The following BBS9 variants were observed in gnomAD, a reference collection of about 807,000 sequenced individuals.
BBS9 encodes the protein protein PTHB1.
A neutral mutation model predicts 117.7 loss-of-function variants in BBS9; 89 were observed. The observed-to-expected ratio is 0.76, with a 90% CI of 0.64 to 0.90. The LOEUF is 0.90. BBS9 is among the 40% of genes least tolerant of loss of function. The pLI, the probability that BBS9 is intolerant of heterozygous loss-of-function variation, is 0.00. For missense variants in BBS9, 982 were observed against 1,042.2 expected (o/e 0.94, Z 0.80); for synonymous variants, 379 against 370.9 (o/e 1.02, Z -0.25).
chr7:33,467,567 A>C (rs199879672), intron 19 of BBS9, among the ~76,000 whole-genome samples: 27,157 of 58,522 alleles, frequency 0.46, 4,560 homozygotes, highest in African/African-American at 0.59. Flanking sequence ...GAACCCCCCA[A>C]CTCCGCCACC....
chr7:33,531,777 A>AC (rs1339625991), intron 20 of BBS9, among the ~76,000 whole-genome samples: 2 of 152,226 alleles, frequency 1.3e-5, no homozygotes, highest in African/African-American at 4.8e-5. Flanking sequence ...TGTTGGTTAC[A>AC]CATGTCCCTG....
At chr7:33,270,761 G>GAAAGC (rs1799658197) in intron 7 of BBS9, among the ~76,000 whole-genome samples, 1 of 152,158 alleles carries the variant, frequency 6.6e-6, no homozygotes, top group South Asian at 2.1e-4. Flanking sequence ...GAGATGGGGA[G>GAAAGC]AAAGCAAGCA....
At chr7:33,412,517 T>G (rs1015141259) in intron 19 of BBS9, among the ~76,000 whole-genome samples, 4 of 152,236 alleles carry the variant, frequency 2.6e-5, no homozygotes, top group Non-Finnish European at 4.4e-5. Context: ...ACAACTTGCA[T>G]GCCTATGCTT....
intron 21 of BBS9, among the ~76,000 whole-genome samples, chr7:33,541,949 G>GT (rs1852375746): frequency 8.4e-6 from 1 of 118,434 alleles, no homozygotes; most frequent in African/African-American, 3.2e-5. Context: ...CAATAAACTT[G>GT]TTTAAAAACA....
chr7:33,142,496 T>C (rs991616019), intron 1 of BBS9, among the ~76,000 whole-genome samples: 1 of 152,256 alleles, frequency 6.6e-6, no homozygotes, highest in African/African-American at 2.4e-5. Flanking sequence ...TTTTTAACTA[T>C]ATAGTTCAGT....
chr7:33,230,875 A>G (rs917652343), intron 5 of BBS9, among the ~76,000 whole-genome samples: 2 of 152,196 alleles, frequency 1.3e-5, no homozygotes, highest in African/African-American at 4.8e-5. Flanking sequence ...GTGCTGCAAT[A>G]AACATATGCA....
At chr7:33,621,278 A>G (rs570971844) in intron 21 of BBS9, among the ~76,000 whole-genome samples, 1 of 152,328 alleles carries the variant, frequency 6.6e-6, no homozygotes, top group South Asian at 2.1e-4. Flanking sequence ...GGAATGGGGA[A>G]AATATTTGTG....
intron 17 of BBS9, among the ~76,000 whole-genome samples, chr7:33,379,594 G>A (rs773948121): frequency 2.6e-5 from 4 of 152,062 alleles, no homozygotes; most frequent in Admixed American, 6.6e-5. Flanking sequence ...ACAGTAAATC[G>A]TATGCTAAAG....
At chr7:33,237,673 C>A (rs1199313753) in intron 5 of BBS9, among the ~76,000 whole-genome samples, 1 of 152,136 alleles carries the variant, frequency 6.6e-6, no homozygotes, top group African/African-American at 2.4e-5. Context: ...TCATCTAGTA[C>A]CTTCTTCAAC....
chr7:33,180,426 T>C (rs1797934531), intron 5 of BBS9, among the ~76,000 whole-genome samples: 1 of 150,392 alleles, frequency 6.6e-6, no homozygotes, highest in Non-Finnish European at 1.5e-5. Context: ...AGCGGTGTGA[T>C]CTCGGCTCAC....
At chr7:33,357,651 TTTA>T (rs1414794439) in intron 15 of BBS9, 2 of 654,018 alleles carry the variant, frequency 3.1e-6, no homozygotes, top group Non-Finnish European at 5.5e-6. Flanking sequence ...CTTTTAAAAT[TTTA>T]TTTTTGCCTT....
intron 5 of BBS9, among the ~76,000 whole-genome samples, chr7:33,238,870 G>A (rs762532517): frequency 2.0e-5 from 3 of 152,060 alleles, no homozygotes; most frequent in African/African-American, 4.8e-5. Flanking sequence ...CTAAATGGTC[G>A]TAAAGAATTC....
intron 20 of BBS9, among the ~76,000 whole-genome samples, chr7:33,532,045 C>G (rs559862132): frequency 1.3e-5 from 2 of 152,324 alleles, no homozygotes; most frequent in African/African-American, 4.8e-5. Flanking sequence ...TCAGGGAATA[C>G]CAGACATGCA....
chr7:33,344,168 G>A (rs968473714), intron 11 of BBS9, among the ~76,000 whole-genome samples: 16 of 131,190 alleles, frequency 1.2e-4, no homozygotes, highest in African/African-American at 3.8e-4. Flanking sequence ...TGCAAGCTCC[G>A]CCTCCCGGGT....
At position 33,627,614 on chromosome 7, in the gene BBS9, A is replaced by T. The variant is rs115637487; in HGVS notation, c.2522-7563A>T. Among the ~76,000 whole-genome samples the T allele has an allele frequency of 8.1e-3, 1,230 of 152,356 alleles. 21 individuals are homozygous for T. Among genetic ancestry groups the T allele is most frequent in the African/African-American group, 0.028 (1,171 of 41,580 alleles). On this transcript the variant is annotated intron_variant, in intron 21 of 21. Coordinates refer to the BBS9 transcript ENST00000671952. ...AGGGGGCTGTACCCTGAAGAGCCAC[A>T]TAGGCAGAGATGGCCAAAGTCTTAG...
intron 21 of BBS9, among the ~76,000 whole-genome samples, chr7:33,589,854 G>A (rs577609524): frequency 2.6e-5 from 4 of 152,170 alleles, no homozygotes; most frequent in Non-Finnish European, 5.9e-5. Flanking sequence ...TTACTTTAAA[G>A]CCAGAAGACT....
chr7:33,520,261 C>T (rs1563294116), intron 20 of BBS9, among the ~76,000 whole-genome samples: 1 of 152,098 alleles, frequency 6.6e-6, no homozygotes, highest in Non-Finnish European at 1.5e-5. Flanking sequence ...ATCTACCTGC[C>T]TCGGCCTCCC....
At chr7:33,259,003 T>C (rs2128315254) in intron 6 of BBS9, among the ~76,000 whole-genome samples, 1 of 152,330 alleles carries the variant, frequency 6.6e-6, no homozygotes. Context: ...ATGCATGAGA[T>C]ACGAGATTAT....
intron 1 of BBS9, among the ~76,000 whole-genome samples, chr7:33,141,856 T>G (rs1791515228): frequency 6.6e-6 from 1 of 151,706 alleles, no homozygotes; most frequent in African/African-American, 2.4e-5. Flanking sequence ...TATTTAATAT[T>G]TTAGCTTTTT....
Sources: gnomAD v4.1 joint callset for allele counts (sites outside exome capture counted in the v4.1 genomes callset) on GRCh38, gnomAD v4.1.1 for gene constraint, MANE v1.5 for transcripts, NCBI Gene and HGNC (gene_info 2026-07-23, HGNC 2026-07-21) for gene names.